MALRD1: variants seen among roughly 807,000 people sequenced by gnomAD.
MALRD1 encodes the protein MAM and LDL-receptor class A domain-containing protein 1.
Under a neutral mutation model 242.1 loss-of-function variants are expected in MALRD1, and 247 were observed. That is an observed-to-expected ratio of 1.02 (90% CI 0.92 to 1.13). The LOEUF (loss-of-function observed/expected upper bound fraction) is 1.13, where lower values mean the gene tolerates loss of function less well. Among genes scored for constraint, MALRD1 ranks in the 50% most tolerant of loss-of-function variants. MALRD1 has a pLI of 0.00. For synonymous variants in MALRD1, 995 were observed against 866.6 expected, an observed-to-expected ratio of 1.15 and a Z score of -2.60; for missense variants, 2,989 against 2,533.1, an observed-to-expected ratio of 1.18 and a Z score of -3.86.
At chr10:19,086,084 T>C (rs371413692) in intron 2 of MALRD1, among the ~76,000 whole-genome samples, 91 of 152,184 alleles carry the variant, frequency 6.0e-4, no homozygotes, top group African/African-American at 2.1e-3. Context: ...TGTGTTTACA[T>C]AATAATTCCA....
At chr10:19,351,060 C>G (rs1844354567) in intron 25 of MALRD1, among the ~76,000 whole-genome samples, 1 of 152,174 alleles carries the variant, frequency 6.6e-6, no homozygotes. Context: ...ATGGCTCACC[C>G]ATTCTTGGTT....
At position 19,692,332 on chromosome 10, in the gene MALRD1, C is replaced by A; in HGVS notation, c.6188C>A (p.Pro2063His). The change falls in exon 37 of 40, where the codon CCT becomes CAT. Residue 2063 changes from proline (P) to histidine (H), a missense_variant. Transcript: ENST00000454679. ...GNRCHIKFNP[P>H]ATDFTYAQNN... is the part of the protein sequence containing the mutation. ...CGATGCCATATCAAGTTTAATCCTC[C>A]TGCTACAGACTTCACATACGCTCAG... 6.5e-7 allele frequency: 1 copy of A among 1,535,388 alleles called. No homozygotes were observed. The highest frequency in any genetic ancestry group is 1.2e-5 in the South Asian group (1 of 83,972).
Position 19,565,690 on chromosome 10 carries a change from A to T in MALRD1, c.5479-1812A>T, listed in dbSNP as rs538662980. On this transcript the variant is annotated intron_variant, in intron 32 of 39. Transcript: ENST00000454679. ...TGAAGATTCTTTGGGATGAGTGCTT[A>T]CGTGTCAGACTGGAAGTAGTCAATG... 5.9e-5 allele frequency among the ~76,000 whole-genome samples: 9 copies of T among 152,306 alleles called. No homozygotes were observed. The South Asian group carries it at 1.4e-3, about 25-fold the overall frequency.
intron 28 of MALRD1, among the ~76,000 whole-genome samples, chr10:19,441,320 G>T (rs556653520): frequency 6.6e-6 from 1 of 152,222 alleles, no homozygotes; most frequent in East Asian, 1.9e-4. Context: ...AGTTTCTTTT[G>T]CTGTGCAGAA....
At chr10:19,401,404 G>T (rs1846839183) in intron 28 of MALRD1, among the ~76,000 whole-genome samples, 2 of 152,034 alleles carry the variant, frequency 1.3e-5, no homozygotes, top group African/African-American at 4.8e-5. Context: ...ATTATATATG[G>T]AAATTAGCAG....
At chr10:19,570,855 G>A (rs992377852) in intron 33 of MALRD1, among the ~76,000 whole-genome samples, 3 of 151,696 alleles carry the variant, frequency 2.0e-5, no homozygotes, top group African/African-American at 7.3e-5. Context: ...ATTTTTAAAT[G>A]TCTTCTTAAA....
At chr10:19,614,863 A>G (rs1173191529) in intron 35 of MALRD1, among the ~76,000 whole-genome samples, 2 of 152,058 alleles carry the variant, frequency 1.3e-5, no homozygotes, top group Non-Finnish European at 2.9e-5. Context: ...GACTTATCAA[A>G]AAAGGCTTTT....
At chr10:19,644,284 G>A (rs1413414271) in intron 36 of MALRD1, among the ~76,000 whole-genome samples, 2 of 152,188 alleles carry the variant, frequency 1.3e-5, no homozygotes, top group Non-Finnish European at 2.9e-5. Flanking sequence ...ACAGGAACCA[G>A]AAATTCTGTG....
At chr10:19,365,596 A>C (rs1418253646) in intron 26 of MALRD1, among the ~76,000 whole-genome samples, 1 of 140,022 alleles carries the variant, frequency 7.1e-6, no homozygotes, top group African/African-American at 2.7e-5. Context: ...TGGGTTTCTT[A>C]TTCGTCCTGT....
At chr10:19,530,377 AAAT>A (rs1834314909) in intron 31 of MALRD1, among the ~76,000 whole-genome samples, 3 of 89,772 alleles carry the variant, frequency 3.3e-5, no homozygotes, top group African/African-American at 7.7e-5. Flanking sequence ...ATATTTATAT[AAAT>A]ATTATATATT....
chr10:19,134,003 C>A, intron 9 of MALRD1, 55 bp downstream of exon 9: 1 of 943,748 alleles, frequency 1.1e-6, no homozygotes, highest in Non-Finnish European at 1.4e-6. Flanking sequence ...TTTAGCTTTG[C>A]AGTAATAAAT....
At chr10:19,485,195 A>G (rs1837183548) in intron 29 of MALRD1, among the ~76,000 whole-genome samples, 1 of 152,230 alleles carries the variant, frequency 6.6e-6, no homozygotes, top group Non-Finnish European at 1.5e-5. Context: ...CTGAGAGAGT[A>G]GTTCGAGGGA....
intron 21 of MALRD1, among the ~76,000 whole-genome samples, chr10:19,305,739 T>C (rs1042818590): frequency 4.1e-5 from 6 of 146,864 alleles, no homozygotes; most frequent in African/African-American, 1.5e-4. Flanking sequence ...ATTCAACCAA[T>C]TCTATATACA....
chr10:19,306,120 C>CTATA (rs1254091015), intron 21 of MALRD1, among the ~76,000 whole-genome samples: 98 of 113,404 alleles, frequency 8.6e-4, no homozygotes, highest in African/African-American at 2.4e-3. Flanking sequence ...TATATACTAT[C>CTATA]TAGTATATAT....
intron 38 of MALRD1, among the ~76,000 whole-genome samples, chr10:19,723,656 C>T (rs1464386022): frequency 2.6e-5 from 4 of 151,476 alleles, no homozygotes; most frequent in Non-Finnish European, 4.4e-5. Context: ...GCAGGAGGAT[C>T]GCTTGGGCCC....
At chr10:19,204,281 GTTTTT>G in intron 15 of MALRD1, 22 bp from the exon 16 acceptor site, 12 of 1,042,228 alleles carry the variant, frequency 1.2e-5, no homozygotes, top group East Asian at 2.8e-5. Context: ...TTAATGAAGC[GTTTTT>G]TTTTTTTTTT....
chr10:19,666,816 A>G (rs970060534), intron 36 of MALRD1, among the ~76,000 whole-genome samples: 6 of 152,204 alleles, frequency 3.9e-5, no homozygotes, highest in African/African-American at 1.4e-4. Context: ...ATAAAGCCAT[A>G]TAAATCCACA....
chr10:19,158,594 C>T (rs1834266116), intron 12 of MALRD1, among the ~76,000 whole-genome samples: 2 of 152,168 alleles, frequency 1.3e-5, no homozygotes, highest in Admixed American at 6.5e-5. Context: ...CTCCCAAGTG[C>T]TTGCTATATT....
At chr10:19,390,596 G>A (rs966454259) in intron 28 of MALRD1, among the ~76,000 whole-genome samples, 1 of 152,072 alleles carries the variant, frequency 6.6e-6, no homozygotes, top group African/African-American at 2.4e-5. Context: ...GTGCAGGTAT[G>A]TGTGTATTTA....
Sources: allele counts gnomAD v4.1 joint callset (sites outside exome capture counted in the v4.1 genomes callset), GRCh38; gene constraint gnomAD v4.1.1; transcripts MANE v1.5; gene names NCBI Gene and HGNC (gene_info 2026-07-23, HGNC 2026-07-21).